ARFGEF2: variants seen among roughly 807,000 people sequenced by gnomAD.
The protein encoded by ARFGEF2 is ARF guanine nucleotide exchange factor 2, also known as brefeldin A-inhibited guanine nucleotide-exchange protein 2.
In ARFGEF2, 74 loss-of-function variants were observed where a neutral mutation model predicts 219.9. The ratio of observed to expected loss-of-function variants is 0.34; its 90% CI spans 0.28 to 0.41. The LOEUF (loss-of-function observed/expected upper bound fraction) is 0.41. Among genes scored for constraint, ARFGEF2 ranks in the 10% least tolerant of loss-of-function variants. The pLI is 1.00. For synonymous variants in ARFGEF2, 733 were observed against 799.2 expected, an observed-to-expected ratio of 0.92 and a Z score of 1.40; for missense variants, 1,743 against 2,218.3, an observed-to-expected ratio of 0.79 and a Z score of 4.30.
intron 34 of ARFGEF2, among the ~76,000 whole-genome samples, chr20:49,021,431 TATG>T (rs772116610): frequency 3.3e-5 from 5 of 152,160 alleles, no homozygotes; most frequent in Non-Finnish European, 7.3e-5. Flanking sequence ...AGTGAACACT[TATG>T]ATGTATTTGA....
chr20:48,952,620 C>T, intron 4 of ARFGEF2, 85 bp from the exon 5 acceptor site: 1 of 1,366,618 alleles, frequency 7.3e-7, no homozygotes, highest in Admixed American at 1.7e-5. Context: ...AAAACAAAAC[C>T]AGACCCTCTA....
chr20:48,979,498 T>A (rs1305563191), intron 14 of ARFGEF2, among the ~76,000 whole-genome samples: 1 of 152,206 alleles, frequency 6.6e-6, no homozygotes, highest in East Asian at 1.9e-4. Context: ...ATAAAATGAG[T>A]TAGGGAGGAT....
intron 6 of ARFGEF2, 131 bp downstream of exon 6, chr20:48,953,921 C>G: frequency 2.0e-6 from 2 of 975,728 alleles, no homozygotes; most frequent in Non-Finnish European, 1.6e-6. Context: ...TGGGCCTTTC[C>G]CTTTGCTTTT....
Position 48,988,278 on chromosome 20 carries a change from T to C in ARFGEF2, c.2277-26T>C, listed in dbSNP as rs769298011. 7.0e-6 allele frequency: 11 copies of C among 1,563,180 alleles called. No individual in the cohort carries two copies. In the South Asian group the frequency reaches 1.1e-4, roughly 16 times the overall value. Reference sequence around the variant, plus strand: ...CTTCCAAACCGCATCACCATGAATATTGATGTCTCGAATTTTTTTCTCCAG... The same window carrying C: ...CTTCCAAACCGCATCACCATGAATACTGATGTCTCGAATTTTTTTCTCCAG... On this transcript the variant is annotated intron_variant, in intron 16 of 38. Coordinates refer to ENST00000371917, the MANE Select transcript of ARFGEF2 (RefSeq NM_006420.3).
intron 16 of ARFGEF2, 25 bp downstream of exon 16, chr20:48,985,638 C>A: frequency 1.9e-6 from 3 of 1,611,052 alleles, no homozygotes; most frequent in Non-Finnish European, 1.7e-6. Flanking sequence ...TGAGTCCCTT[C>A]CAGATCATCT....
rs148720220 is a variant in ARFGEF2, at chr20:49,017,267, G to A, written c.4334G>A (p.Arg1445Gln). 2.8e-5 allele frequency: 45 copies of A among 1,613,818 alleles called. No individual in the cohort carries two copies. The highest frequency in any genetic ancestry group is 6.7e-5 in the African/African-American group (5 of 74,920). Residue 1445 changes from arginine to glutamine, a missense_variant, in exon 32 of 39, where the codon CGA (arginine) becomes CAA (glutamine). By Grantham distance (43) the Arg-to-Gln change is conservative. Transcript: ENST00000371917. The stretch of plus-strand genomic sequence containing the variant: ...TTTACAGATAATGAACAGTTGGCGC[G>A]ATCAGGTACAAATTGCTTAGAAAAC... ...CVKQDNEQLA[R>Q]SGTNCLENLV...
chr20:48,974,691 C>T, intron 12 of ARFGEF2, 75 bp from the exon 13 acceptor site: 1 of 1,173,340 alleles, frequency 8.5e-7, no homozygotes, highest in Non-Finnish European at 1.2e-6. Context: ...TCACTGGGGT[C>T]CCAGAAAGCC....
intron 13 of ARFGEF2, among the ~76,000 whole-genome samples, 155 bp from the exon 14 acceptor site, chr20:48,975,860 AT>A (rs949049805): frequency 9.3e-5 from 14 of 150,946 alleles, no homozygotes; most frequent in African/African-American, 3.2e-4. Flanking sequence ...TAAGTAAAGT[AT>A]CTGAATGATA....
At chr20:48,988,917 C>T (rs954964498) in intron 18 of ARFGEF2, among the ~76,000 whole-genome samples, 2 of 152,182 alleles carry the variant, frequency 1.3e-5, no homozygotes, top group African/African-American at 4.8e-5. Flanking sequence ...TTCTTTAAAA[C>T]TTTTCTTTAA....
In ARFGEF2 at chr20:48,942,006, G is replaced by A. The variant is rs751381574; in HGVS notation, c.276+19G>A. On this transcript the variant is annotated intron_variant, in intron 3 of 38. Coordinates refer to ENST00000371917, the MANE Select transcript of ARFGEF2 (RefSeq NM_006420.3). ...CTTGCAGGTACCATGTTTAAACTTC[G>A]TGTTGTCAAGGGGGTTCTCTCCAAG... The A allele has an allele frequency of 2.4e-5, 38 of 1,613,802 alleles. No homozygotes were observed. Among genetic ancestry groups the A allele is most frequent in the South Asian group, 7.7e-5 (7 of 91,080 alleles).
chr20:48,993,310 C>T (rs576864009), intron 21 of ARFGEF2, among the ~76,000 whole-genome samples: 8 of 152,300 alleles, frequency 5.3e-5, no homozygotes, highest in African/African-American at 1.9e-4. Flanking sequence ...AAGCCCTTGA[C>T]CTTTCAGTAT....
chr20:48,949,296 C>T (rs909527150), intron 3 of ARFGEF2, among the ~76,000 whole-genome samples: 2 of 152,202 alleles, frequency 1.3e-5, no homozygotes, highest in African/African-American at 4.8e-5. Flanking sequence ...TACTTTTCAG[C>T]ATTCACATTT....
chr20:48,999,499 A>G (rs1373325139), intron 25 of ARFGEF2, among the ~76,000 whole-genome samples: 1 of 152,242 alleles, frequency 6.6e-6, no homozygotes, highest in Admixed American at 6.5e-5. Flanking sequence ...CTGTAATCCC[A>G]GCACTTTGGG....
intron 21 of ARFGEF2, 87 bp downstream of exon 21, chr20:48,991,285 G>A: frequency 1.3e-6 from 2 of 1,574,234 alleles, no homozygotes; most frequent in Non-Finnish European, 1.7e-6. Flanking sequence ...GGTCAGTTCT[G>A]TTTTTCTTGA....
chr20:49,017,816 A>C (rs900933596), intron 33 of ARFGEF2, among the ~76,000 whole-genome samples: 9 of 152,198 alleles, frequency 5.9e-5, no homozygotes, highest in African/African-American at 1.9e-4. Flanking sequence ...CCATATTTGA[A>C]ATGAGGGATC....
At chr20:48,973,060 A>G in intron 11 of ARFGEF2, 85 bp from the exon 12 acceptor site, 4 of 1,533,150 alleles carry the variant, frequency 2.6e-6, no homozygotes, top group Non-Finnish European at 3.6e-6. Context: ...TCACTGGGGA[A>G]ATTTGTTGGC....
chr20:48,958,603 ATT>A (rs111862053), intron 6 of ARFGEF2, among the ~76,000 whole-genome samples: 4 of 147,952 alleles, frequency 2.7e-5, no homozygotes, highest in Non-Finnish European at 3.0e-5. Flanking sequence ...CGCCTGGCTA[ATT>A]TTTTTTTTTT....
chr20:49,014,689 G>A (rs963467809), intron 30 of ARFGEF2, among the ~76,000 whole-genome samples: 1 of 152,170 alleles, frequency 6.6e-6, no homozygotes, highest in Non-Finnish European at 1.5e-5. Flanking sequence ...ATTTTGGGAA[G>A]GTGAGGTGGG....
intron 28 of ARFGEF2, among the ~76,000 whole-genome samples, chr20:49,013,186 G>C (rs2091511203): frequency 6.6e-6 from 1 of 152,116 alleles, no homozygotes; most frequent in Non-Finnish European, 1.5e-5. Flanking sequence ...GTAGCTGCTG[G>C]TATTATTTTA....
Sources: gnomAD v4.1 joint callset for allele counts (sites outside exome capture counted in the v4.1 genomes callset) on GRCh38, gnomAD v4.1.1 for gene constraint, MANE v1.5 for transcripts, NCBI Gene and HGNC (gene_info 2026-07-23, HGNC 2026-07-21) for gene names.